FAF1: variants seen among roughly 807,000 people sequenced by gnomAD.
FAF1 encodes the protein Fas associated factor 1.
FAF1 carries 25 observed loss-of-function variants against 92.5 expected under a neutral mutation model. The ratio of observed to expected loss-of-function variants is 0.27; its 90% CI spans 0.20 to 0.38. The LOEUF is 0.38. Among genes scored for constraint, FAF1 ranks in the 10% least tolerant of loss-of-function variants. The probability of loss-of-function intolerance (pLI) is 1.00; values close to 1 mark genes in which losing one functional copy is unlikely to be tolerated. For missense variants in FAF1, 636 were observed against 793.3 expected, an observed-to-expected ratio of 0.80 and a Z score of 2.38; for synonymous variants, 234 against 273.2, an observed-to-expected ratio of 0.86 and a Z score of 1.42.
Position 50,914,850 on chromosome 1 carries a change from A to G in FAF1, c.45+44917T>C, listed in dbSNP as rs551393744. Among the ~76,000 whole-genome samples the G allele has an allele frequency of 1.2e-4, 18 of 152,260 alleles. No homozygotes were observed. The South Asian group carries it at 3.7e-3, about 32-fold the overall frequency. ...CCTAGATCCAAACAAATCACTATCA[A>G]TATATGCATCCACCTTTTTCATATC... On this transcript the variant is annotated intron_variant, in intron 1 of 18. Coordinates refer to ENST00000396153, the MANE Select transcript of FAF1 (RefSeq NM_007051.3).
At chr1:50,691,186 C>T (rs779765578) in intron 7 of FAF1, among the ~76,000 whole-genome samples, 3 of 152,190 alleles carry the variant, frequency 2.0e-5, no homozygotes, top group Non-Finnish European at 4.4e-5. Flanking sequence ...CATAATTCCA[C>T]CAGCAATGCG....
At chr1:50,466,041 TA>T (rs143013445) in intron 18 of FAF1, among the ~76,000 whole-genome samples, 12,926 of 151,516 alleles carry the variant, frequency 0.085, 582 homozygotes, top group East Asian at 0.093. Context: ...TTTGCCTTAT[TA>T]AAAAAAAATC....
intron 6 of FAF1, among the ~76,000 whole-genome samples, chr1:50,724,253 A>AAAC (rs1180875662): frequency 6.8e-6 from 1 of 147,658 alleles, no homozygotes; most frequent in Non-Finnish European, 1.5e-5. Context: ...AAAAAAAAAA[A>AAAC]AACAACCATA....
intron 15 of FAF1, among the ~76,000 whole-genome samples, chr1:50,527,811 G>GTCTCTCTC (rs9326017): frequency 0.078 from 5,927 of 75,896 alleles, 896 homozygotes; most frequent in Non-Finnish European, 0.11. Flanking sequence ...TTACTCTGCT[G>GTCTCTCTC]TCTCTCTCTC....
chr1:50,715,645 A>C (rs1313593613), intron 6 of FAF1, among the ~76,000 whole-genome samples: 1 of 152,156 alleles, frequency 6.6e-6, no homozygotes, highest in Non-Finnish European at 1.5e-5. Flanking sequence ...ATGCTCTTTC[A>C]TTAGCAGAAT....
intron 12 of FAF1, among the ~76,000 whole-genome samples, chr1:50,576,838 T>C (rs1650769036): frequency 6.6e-6 from 1 of 151,516 alleles, no homozygotes; most frequent in Non-Finnish European, 1.5e-5. Context: ...TTTTCTTTTT[T>C]TTTTTTTTGT....
intron 8 of FAF1, among the ~76,000 whole-genome samples, chr1:50,629,044 T>C (rs1382641863): frequency 6.6e-6 from 1 of 152,196 alleles, no homozygotes; most frequent in Non-Finnish European, 1.5e-5. Flanking sequence ...TTATTATATG[T>C]GTATTAGACT....
At chr1:50,717,756 C>T (rs1658235947) in intron 6 of FAF1, among the ~76,000 whole-genome samples, 1 of 152,116 alleles carries the variant, frequency 6.6e-6, no homozygotes, top group Non-Finnish European at 1.5e-5. Flanking sequence ...AATCCCAGCA[C>T]TTTGTGAGGC....
chr1:50,808,735 C>T (rs1276216046), intron 2 of FAF1, among the ~76,000 whole-genome samples: 2 of 151,284 alleles, frequency 1.3e-5, no homozygotes, highest in Non-Finnish European at 2.9e-5. Flanking sequence ...TATATCTGAT[C>T]TCATTAGTTT....
At chr1:50,622,412 C>T (rs1015015082) in intron 8 of FAF1, among the ~76,000 whole-genome samples, 1 of 152,062 alleles carries the variant, frequency 6.6e-6, no homozygotes, top group African/African-American at 2.4e-5. Context: ...CCTCACCAGC[C>T]ACTCTTGGCA....
chr1:50,750,622 CT>C (rs200229291), intron 4 of FAF1, among the ~76,000 whole-genome samples: 9,604 of 133,632 alleles, frequency 0.072, 268 homozygotes, highest in Non-Finnish European at 0.095. Flanking sequence ...TTTTTCTTTT[CT>C]TTTTTTTTTT....
intron 6 of FAF1, among the ~76,000 whole-genome samples, chr1:50,718,382 G>C (rs760770300): frequency 2.0e-5 from 3 of 152,150 alleles, no homozygotes; most frequent in South Asian, 2.1e-4. Flanking sequence ...GCATCAAGTA[G>C]AGCAAATAAC....
intron 6 of FAF1, among the ~76,000 whole-genome samples, chr1:50,719,840 C>T (rs2124451552): frequency 6.6e-6 from 1 of 152,300 alleles, no homozygotes; most frequent in South Asian, 2.1e-4. Context: ...TCAGTAGTCA[C>T]TGAACTATCA....
At chr1:50,900,183 T>C (rs1447026999) in intron 1 of FAF1, among the ~76,000 whole-genome samples, 2 of 152,174 alleles carry the variant, frequency 1.3e-5, no homozygotes, top group African/African-American at 4.8e-5. Flanking sequence ...TACAATGAAT[T>C]TTAGCATATT....
chr1:50,843,216 A>G lies in FAF1; in HGVS notation c.114+14713T>C, dbSNP rs149574637. ...TTGAGGGCCGTGTGTCACATATGTG[A>G]TAAGAGGGTTTGCCTATGGTTTCCG... On this transcript the variant is annotated intron_variant, in intron 2 of 18. Coordinates refer to ENST00000396153, the MANE Select transcript of FAF1 (RefSeq NM_007051.3). 4.7e-4 allele frequency among the ~76,000 whole-genome samples: 71 copies of G among 152,272 alleles called. No homozygotes were observed. The East Asian group carries it at 0.011, about 24-fold the overall frequency.
chr1:50,631,144 TAA>T (rs1653769531), intron 8 of FAF1, among the ~76,000 whole-genome samples: 1 of 152,174 alleles, frequency 6.6e-6, no homozygotes, highest in African/African-American at 2.4e-5. Flanking sequence ...CTCTACTGTC[TAA>T]ACGCATTTTT....
At chr1:50,724,173 G>T (rs1658526801) in intron 6 of FAF1, among the ~76,000 whole-genome samples, 2 of 149,528 alleles carry the variant, frequency 1.3e-5, no homozygotes, top group Non-Finnish European at 3.0e-5. Flanking sequence ...GGTGGTTCAA[G>T]GTTACAATGA....
At chr1:50,616,827 T>C (rs1056426585) in intron 8 of FAF1, among the ~76,000 whole-genome samples, 22 of 152,066 alleles carry the variant, frequency 1.4e-4, no homozygotes, top group African/African-American at 5.1e-4. Context: ...ATTACAAGCA[T>C]GCGCCACCAT....
At chr1:50,600,452 G>A (rs998108627) in intron 8 of FAF1, among the ~76,000 whole-genome samples, 6 of 152,038 alleles carry the variant, frequency 3.9e-5, no homozygotes, top group African/African-American at 1.5e-4. Context: ...ATGTATAGTG[G>A]TAGGGCTTCA....
Sources: gnomAD v4.1 joint callset for allele counts (sites outside exome capture counted in the v4.1 genomes callset) on GRCh38, gnomAD v4.1.1 for gene constraint, MANE v1.5 for transcripts, NCBI Gene and HGNC (gene_info 2026-07-23, HGNC 2026-07-21) for gene names.